XKR6: variants seen among roughly 807,000 people sequenced by gnomAD.
The protein encoded by XKR6 is XK related 6.
Under a neutral mutation model 56.7 loss-of-function variants are expected in XKR6, and 22 were observed. The observed-to-expected ratio is 0.39, with a 90% confidence interval of 0.28 to 0.55. The LOEUF (loss-of-function observed/expected upper bound fraction) is 0.55, where lower values mean the gene tolerates loss of function less well. XKR6 is among the 20% of genes least tolerant of loss of function. XKR6 has a pLI of 0.66. For missense variants in XKR6, 852 were observed against 889.0 expected, an observed-to-expected ratio of 0.96 and a Z score of 0.53; for synonymous variants, 524 against 387.8, an observed-to-expected ratio of 1.35 and a Z score of -4.13.
chr8:11,168,082 G>A (rs1802179463), intron 1 of XKR6, among the ~76,000 whole-genome samples: 1 of 152,060 alleles, frequency 6.6e-6, no homozygotes, highest in Non-Finnish European at 1.5e-5. Context: ...CGGTGAAAGA[G>A]GAGACTCTGA....
chr8:11,139,593 C>T (rs748534049), intron 1 of XKR6, among the ~76,000 whole-genome samples: 4 of 152,152 alleles, frequency 2.6e-5, no homozygotes, highest in Non-Finnish European at 5.9e-5. Flanking sequence ...AGGGCTCCCG[C>T]TCCAAGCCAA....
At chr8:11,110,707 C>T (rs1281517847) in intron 1 of XKR6, among the ~76,000 whole-genome samples, 1 of 152,194 alleles carries the variant, frequency 6.6e-6, no homozygotes, top group Non-Finnish European at 1.5e-5. Flanking sequence ...GATAGCCGCT[C>T]GAGGACTTTC....
intron 1 of XKR6, among the ~76,000 whole-genome samples, chr8:11,052,750 A>C (rs1442100264): frequency 1.0e-5 from 1 of 97,686 alleles, no homozygotes; most frequent in African/African-American, 4.2e-5. Context: ...GGCCTTGCCC[A>C]CCGGGAGTGA....
chr8:11,185,074 G>T (rs183244124), intron 1 of XKR6, among the ~76,000 whole-genome samples: 46 of 152,172 alleles, frequency 3.0e-4, no homozygotes, highest in Non-Finnish European at 6.0e-4. Flanking sequence ...GTTTATTAAC[G>T]CATTTACCTG....
At chr8:11,140,820 C>T (rs1800655726) in intron 1 of XKR6, among the ~76,000 whole-genome samples, 1 of 151,420 alleles carries the variant, frequency 6.6e-6, no homozygotes, top group African/African-American at 2.4e-5. Flanking sequence ...ATGGCGTGAA[C>T]CCAGGAGGAA....
intron 1 of XKR6, among the ~76,000 whole-genome samples, chr8:11,023,902 T>A (rs1459328239): frequency 6.6e-6 from 1 of 152,170 alleles, no homozygotes; most frequent in Non-Finnish European, 1.5e-5. Flanking sequence ...GACTCCGGAA[T>A]GAGGAACATT....
rs544812718 is a variant in XKR6 at position 11,149,804 on chromosome 8, C to T, written c.764+50772G>A. ...AAAAAGAAATCTCACAGACTATTCACGATAGCAAAGATGTGGACTCACCCT... is the reference window on the plus strand; with the variant it reads ...AAAAAGAAATCTCACAGACTATTCATGATAGCAAAGATGTGGACTCACCCT... On this transcript the variant is annotated intron_variant, in intron 1 of 2. Coordinates refer to ENST00000416569, the MANE Select transcript of XKR6 (RefSeq NM_173683.4). 7.2e-5 allele frequency among the ~76,000 whole-genome samples: 11 copies of T among 152,230 alleles called. No homozygotes were observed. The East Asian group carries it at 1.2e-3, about 16-fold the overall frequency.
chr8:10,990,907 T>TTTC lies in XKR6; in HGVS notation c.765-66078_765-66077insGAA, dbSNP rs1554520284. ...CACTGGGGAATGTCTTTTTTTTTTT[T>TTTC]TTTTTTTTTTTTCGAGACAGAGTCT... is the stretch of plus-strand genomic sequence containing the variant. On this transcript the variant is annotated intron_variant, in intron 1 of 2. Transcript: ENST00000416569. 4.1e-3 allele frequency among the ~76,000 whole-genome samples: 567 copies of TTTC among 139,774 alleles called. 14 individuals are homozygous for TTTC. Among genetic ancestry groups the TTTC allele is most frequent in the African/African-American group, 0.015 (543 of 35,394 alleles). The allele number at this position is 139,774 out of a possible 152,430, so 91.7% of individuals were successfully genotyped here.
At chr8:11,089,960 A>G (rs901624073) in intron 1 of XKR6, among the ~76,000 whole-genome samples, 1 of 152,244 alleles carries the variant, frequency 6.6e-6, no homozygotes, top group East Asian at 1.9e-4. Context: ...TTTGTACTGT[A>G]GATATTCTAC....
At chr8:11,049,809 T>C (rs1447062665) in intron 1 of XKR6, among the ~76,000 whole-genome samples, 1 of 152,220 alleles carries the variant, frequency 6.6e-6, no homozygotes, top group East Asian at 1.9e-4. Context: ...AGTCTTTTCC[T>C]ACTTAGCTTT....
At chr8:11,002,727 C>T (rs563670832) in intron 1 of XKR6, among the ~76,000 whole-genome samples, 10 of 152,380 alleles carry the variant, frequency 6.6e-5, no homozygotes, top group African/African-American at 2.4e-4. Context: ...GCATTGTCTT[C>T]TTCCACCACC....
At chr8:11,054,966 C>T (rs963503554) in intron 1 of XKR6, among the ~76,000 whole-genome samples, 11 of 152,154 alleles carry the variant, frequency 7.2e-5, no homozygotes, top group Non-Finnish European at 1.5e-4. Flanking sequence ...CCTGTCTTCT[C>T]TGCAGGAGGG....
At chr8:11,102,069 G>A (rs1397344919) in intron 1 of XKR6, among the ~76,000 whole-genome samples, 1 of 152,174 alleles carries the variant, frequency 6.6e-6, no homozygotes, top group Non-Finnish European at 1.5e-5. Context: ...TCCAGGAGTG[G>A]CTGGAAAAGC....
At chr8:11,137,372 T>A in intron 1 of XKR6, 1 of 338,948 alleles carries the variant, frequency 3.0e-6, no homozygotes, top group Non-Finnish European at 5.8e-6. Context: ...GAGTCCAGGA[T>A]AATAGAAATC....
At chr8:11,102,239 G>A (rs995877647) in intron 1 of XKR6, among the ~76,000 whole-genome samples, 12 of 152,196 alleles carry the variant, frequency 7.9e-5, no homozygotes, top group African/African-American at 2.6e-4. Flanking sequence ...GCATCCCGAG[G>A]ACTTGCCTGC....
In XKR6 at chr8:11,152,478, AAAG is replaced by A. The variant is rs150095856; in HGVS notation, c.764+48095_764+48097del. Among the ~76,000 whole-genome samples the A allele has an allele frequency of 1.5e-3, 229 of 152,338 alleles. 4 individuals are homozygous for A. In the South Asian group the frequency reaches 0.019, roughly 13 times the overall value. Reference sequence around the variant, plus strand: ...GATGGAGGAAGAGTCTGAAGGAAGGAAAGAAGAAGGGAGAAAGGAAAATTAAAT... The same window carrying A: ...GATGGAGGAAGAGTCTGAAGGAAGGAAAGAAGGGAGAAAGGAAAATTAAAT... On this transcript the variant is annotated intron_variant, in intron 1 of 2. Transcript: ENST00000416569.
chr8:10,971,061 A>T (rs1255295440), intron 1 of XKR6, among the ~76,000 whole-genome samples: 2 of 150,526 alleles, frequency 1.3e-5, no homozygotes, highest in Non-Finnish European at 2.9e-5. Flanking sequence ...CTATTCTTTG[A>T]CCTCTTCTGC....
intron 1 of XKR6, among the ~76,000 whole-genome samples, chr8:10,968,195 G>A (rs183945155): frequency 7.9e-4 from 120 of 152,258 alleles, no homozygotes; most frequent in African/African-American, 2.6e-3. Context: ...TGTTTGAACC[G>A]GATCTCCCAC....
At chr8:11,023,917 G>A (rs1201226980) in intron 1 of XKR6, among the ~76,000 whole-genome samples, 2 of 152,212 alleles carry the variant, frequency 1.3e-5, no homozygotes, top group East Asian at 3.8e-4. Context: ...AACATTTGCA[G>A]ACAGCAAACT....
Sources: gnomAD v4.1 joint callset for allele counts (sites outside exome capture counted in the v4.1 genomes callset) on GRCh38, gnomAD v4.1.1 for gene constraint, MANE v1.5 for transcripts, NCBI Gene and HGNC (gene_info 2026-07-23, HGNC 2026-07-21) for gene names.